ZNF469: variants seen among roughly 807,000 people sequenced by gnomAD.
The protein encoded by ZNF469 is zinc finger protein 469.
A neutral mutation model predicts 1.0 loss-of-function variants in ZNF469; 1 was observed. The observed-to-expected ratio is 1.00, with a 90% confidence interval of 0.35 to 4.73. The LOEUF (loss-of-function observed/expected upper bound fraction) is 4.73, where lower values mean the gene tolerates loss of function less well. Ranked by LOEUF, ZNF469 falls within the 30% of genes most tolerant of loss-of-function variation. ZNF469 has a pLI of 0.16. For missense variants in ZNF469, 6,100 were observed against 5,356.3 expected (o/e 1.14, Z -4.33); for synonymous variants, 2,703 against 2,363.4 (o/e 1.14, Z -4.17).
the ZNF469 span, among the ~76,000 whole-genome samples, chr16:88,283,761 G>A: frequency 6.6e-5 from 10 of 150,882 alleles, no homozygotes; most frequent in Admixed American, 1.3e-4. Context: ...GGTAGACCCC[G>A]AGTCTGCCCG....
the ZNF469 span, among the ~76,000 whole-genome samples, chr16:88,287,903 TG>T: frequency 6.6e-6 from 1 of 152,178 alleles, no homozygotes; most frequent in African/African-American, 2.4e-5. Flanking sequence ...TTATTGCACA[TG>T]TTTTTTAGAA....
chr16:88,385,453 T>G (rs2092534817), intron 1 of ZNF469, among the ~76,000 whole-genome samples: 1 of 151,786 alleles, frequency 6.6e-6, no homozygotes, highest in African/African-American at 2.4e-5. Context: ...CTGGGCAACA[T>G]AGTGAGACCC....
chr16:88,437,814 C>A lies in ZNF469; in HGVS notation c.10344C>A (p.Phe3448Leu), dbSNP rs754366630. 3.9e-6 allele frequency: 6 copies of A among 1,543,824 alleles called. No individual in the cohort carries two copies. The African/African-American group carries it at 6.9e-5, about 18-fold the overall frequency. ...ACCTCAGGGGGGGGCGGCAGCCCTT[C>A]GCGTTCCGCGGCGTGCGGAGGCCGG... ...NKHLRGGRQP[F>L]AFRGVRRPGA... The change falls in exon 3 of 3, where the codon TTC becomes TTA. Residue 3448 changes from phenylalanine to leucine, a missense_variant. Phe to Leu is a conservative substitution (Grantham distance 22). Coordinates refer to ENST00000565624, the MANE Select transcript of ZNF469 (RefSeq NM_001367624.2).
At chr16:88,140,442 G>T in the ZNF469 span, among the ~76,000 whole-genome samples, 1 of 149,272 alleles carries the variant, frequency 6.7e-6, no homozygotes, top group African/African-American at 2.5e-5. Flanking sequence ...AAAGGAGGAC[G>T]GAGCCACGTA....
chr16:88,368,080 A>G, the ZNF469 span, among the ~76,000 whole-genome samples: 9 of 152,262 alleles, frequency 5.9e-5, no homozygotes, highest in African/African-American at 2.2e-4. Flanking sequence ...GCATAATAGC[A>G]GCGAGGGCAG....
the ZNF469 span, among the ~76,000 whole-genome samples, chr16:88,111,062 C>G: frequency 6.6e-6 from 1 of 152,354 alleles, no homozygotes; most frequent in African/African-American, 2.4e-5. Flanking sequence ...TTTTCTTCAG[C>G]CCCCAGGCAC....
chr16:88,157,452 C>T, the ZNF469 span, among the ~76,000 whole-genome samples: 1 of 152,132 alleles, frequency 6.6e-6, no homozygotes, highest in Non-Finnish European at 1.5e-5. Context: ...GAGCTGTGTC[C>T]TGGTGAGGGC....
the ZNF469 span, among the ~76,000 whole-genome samples, chr16:88,248,733 C>A: frequency 6.6e-6 from 1 of 152,190 alleles, no homozygotes; most frequent in South Asian, 2.1e-4. Flanking sequence ...TGGACTCCCC[C>A]ACATTGCAGA....
At chr16:88,196,257 G>A in the ZNF469 span, among the ~76,000 whole-genome samples, 1 of 152,176 alleles carries the variant, frequency 6.6e-6, no homozygotes, top group African/African-American at 2.4e-5. Context: ...AGCAGGCCTG[G>A]CCCAGAACAA....
chr16:88,111,501 G>A, the ZNF469 span, among the ~76,000 whole-genome samples: 1 of 98,624 alleles, frequency 1.0e-5, no homozygotes, highest in East Asian at 2.7e-4. Flanking sequence ...CATTTCTTCT[G>A]TCTTTTTGTA....
the ZNF469 span, among the ~76,000 whole-genome samples, chr16:88,323,210 GC>G: frequency 1.3e-5 from 2 of 152,146 alleles, no homozygotes; most frequent in Non-Finnish European, 2.9e-5. Context: ...TCTGCCCCAG[GC>G]TCTGCAGAGC....
the ZNF469 span, among the ~76,000 whole-genome samples, chr16:88,301,919 G>A: frequency 6.6e-6 from 1 of 152,176 alleles, no homozygotes; most frequent in East Asian, 1.9e-4. Context: ...CCAATTCCTA[G>A]TTCACCAGCA....
intron 1 of ZNF469, among the ~76,000 whole-genome samples, chr16:88,415,286 C>A (rs1365332642): frequency 6.6e-6 from 1 of 152,176 alleles, no homozygotes; most frequent in South Asian, 2.1e-4. Flanking sequence ...CCGGGAGCCT[C>A]CACCACAGCC....
At chr16:88,199,844 T>C in the ZNF469 span, among the ~76,000 whole-genome samples, 1 of 152,214 alleles carries the variant, frequency 6.6e-6, no homozygotes, top group East Asian at 1.9e-4. Flanking sequence ...GAGGCGCTGG[T>C]TTGTTGTCCC....
the ZNF469 span, among the ~76,000 whole-genome samples, chr16:88,230,280 C>T: frequency 2.0e-5 from 3 of 152,258 alleles, no homozygotes; most frequent in Non-Finnish European, 2.9e-5. Context: ...AAGGGCTGAT[C>T]CGAGGCTGCC....
chr16:88,186,837 C>T, the ZNF469 span, among the ~76,000 whole-genome samples: 1 of 152,140 alleles, frequency 6.6e-6, no homozygotes, highest in African/African-American at 2.4e-5. Flanking sequence ...TGCGGTCAGC[C>T]AAAGCATTTG....
the ZNF469 span, among the ~76,000 whole-genome samples, chr16:88,355,540 TG>T: frequency 2.0e-5 from 3 of 152,118 alleles, no homozygotes; most frequent in African/African-American, 7.2e-5. Flanking sequence ...CTGCCGATCC[TG>T]GGGGTGGGTG....
the ZNF469 span, among the ~76,000 whole-genome samples, chr16:88,305,590 GCACACCCTCACACATGCACA>G: frequency 5.0e-5 from 7 of 139,684 alleles, no homozygotes; most frequent in Admixed American, 5.0e-4. Flanking sequence ...AGGCACACAC[GCACACCCTCACACATGCACA>G]CACACCCTCA....
chr16:88,413,882 C>T (rs1407351905), intron 1 of ZNF469, among the ~76,000 whole-genome samples: 1 of 152,184 alleles, frequency 6.6e-6, no homozygotes, highest in Non-Finnish European at 1.5e-5. Context: ...TGGCAGGTGC[C>T]ATGGAGGCAG....
Sources: allele counts gnomAD v4.1 joint callset (sites outside exome capture counted in the v4.1 genomes callset), GRCh38; gene constraint gnomAD v4.1.1; transcripts MANE v1.5; gene names NCBI Gene and HGNC (gene_info 2026-07-23, HGNC 2026-07-21).